ZDHHC24: variants seen among roughly 807,000 people sequenced by gnomAD.
The protein encoded by ZDHHC24 is zDHHC palmitoyltransferase 24.
A neutral mutation model predicts 23.2 loss-of-function variants in ZDHHC24; 17 were observed. The ratio of observed to expected loss-of-function variants is 0.73; its 90% confidence interval spans 0.50 to 1.10. The LOEUF (loss-of-function observed/expected upper bound fraction) is 1.10, where lower values mean the gene tolerates loss of function less well. Among genes scored for constraint, ZDHHC24 ranks in the 50% least tolerant of loss-of-function variants. ZDHHC24 has a pLI of 0.00. For synonymous variants in ZDHHC24, 186 were observed against 194.5 expected (o/e 0.96, Z 0.36); for missense variants, 366 against 393.0 (o/e 0.93, Z 0.58).
At chr11:66,532,385 C>T (rs1856824086), downstream of ZDHHC24, 3 of 300,504 alleles carry the variant, frequency 1.0e-5, no homozygotes, top group South Asian at 1.5e-4. Flanking sequence ...TCTCCACTGC[C>T]ACGTCCCTCA....
At chr11:66,532,029 G>A, downstream of ZDHHC24, 2 of 1,604,414 alleles carry the variant, frequency 1.2e-6, no homozygotes, top group Admixed American at 1.7e-5. Context: ...GGGGCTGGCG[G>A]CCGCCTGAGA....
At position 66,543,902 on chromosome 11, in the gene ZDHHC24, C is replaced by A. The variant is rs1194924822; in HGVS notation, c.361G>T (p.Asp121Tyr). 5.6e-6 allele frequency: 9 copies of A among 1,613,978 alleles called. No individual in the cohort carries two copies. Among genetic ancestry groups the A allele is most frequent in the Non-Finnish European group, 7.6e-6 (9 of 1,179,948 alleles). ...CGGCCCAGCAGGCGGCAGTGGTGGT[C>A]CCGACGCAGGATGCAGACGCGGCAG... is the stretch of plus-strand genomic sequence containing the variant. ...SACRVCILRR[D>Y]HHCRLLGRCV... Residue 121 changes from aspartate (D) to tyrosine (Y), a missense_variant, in exon 2 of 3, where the codon GAC becomes TAC. By Grantham distance (160) the Asp-to-Tyr change is radical. Coordinates refer to ENST00000310442, the MANE Select transcript of ZDHHC24 (RefSeq NM_207340.3).
chr11:66,523,656 C>CT, intron 4 of ZDHHC24: 1 of 1,610,976 alleles, frequency 6.2e-7, no homozygotes. Context: ...CTGGCTTCCC[C>CT]ACCCCAGAAA....
chr11:66,540,953 G>A (rs904145686), intron 2 of ZDHHC24, among the ~76,000 whole-genome samples: 13 of 152,168 alleles, frequency 8.5e-5, no homozygotes, highest in Admixed American at 6.5e-5. Flanking sequence ...AAGATTAGTG[G>A]TTGCCAGGGG....
Position 66,543,813 on chromosome 11 carries a change from C to A in ZDHHC24, c.450G>T (p.Leu150=). Residue 150 remains leucine (L), a synonymous_variant, in exon 2 of 3, where the codon CTG becomes CTT. Coordinates refer to ENST00000310442, the MANE Select transcript of ZDHHC24 (RefSeq NM_207340.3). ...GGCCCAGCAGCACAGAGACGTGGAG[C>A]AGGACGCCGGCGGCATGAAGCAGCA... is the stretch of plus-strand genomic sequence containing the variant. ...LCLLLHAAGV[L]LHVSVLLGPA... The A allele has an allele frequency of 6.2e-7, 1 of 1,613,478 alleles. No homozygotes were observed. Among genetic ancestry groups the A allele is most frequent in the Non-Finnish European group, 8.5e-7 (1 of 1,179,668 alleles).
chr11:66,542,611 T>C (rs1261013043), intron 2 of ZDHHC24: 1 of 152,106 alleles, frequency 6.6e-6, no homozygotes, highest in Non-Finnish European at 1.5e-5. Context: ...GGTGTGGACA[T>C]GGGAGGAGGG....
rs1316228806 is a variant in ZDHHC24 at position 66,545,734 on chromosome 11, G to A, written c.270C>T (p.Gly90=). The change falls in exon 1 of 3, where the codon GGC becomes GGT. Residue 90 remains glycine, a synonymous_variant. Coordinates refer to ENST00000310442, the MANE Select transcript of ZDHHC24 (RefSeq NM_207340.3). The surrounding 1 kb of genome is among the most constrained non-coding windows in gnomAD (Gnocchi z 4.5). ...CGCACCCCACTCACGCCCAGCCCTG[G>A]CCCAGACCGCGGCCGGCCAGCATCA... is the stretch of plus-strand genomic sequence containing the variant. The part of the protein sequence containing the change: ...RGVMLAGRGL[G]QGWAYCYQCQ... The A allele has an allele frequency of 6.4e-7, 1 of 1,574,080 alleles. No individual in the cohort carries two copies. Among genetic ancestry groups the A allele is most frequent in the African/African-American group, 1.4e-5 (1 of 72,564 alleles).
intron 4 of ZDHHC24, chr11:66,523,912 ACTC>A (rs1473458126): frequency 2.5e-6 from 4 of 1,610,372 alleles, no homozygotes; most frequent in Non-Finnish European, 2.5e-6. Flanking sequence ...TCTGCCACTC[ACTC>A]CTCCTTGCCC....
rs545603022 is a variant in ZDHHC24 at position 66,536,609 on chromosome 11, T to C, written c.*2920A>G. On this transcript the variant is annotated 3_prime_UTR_variant, in exon 3 of 3. Coordinates refer to ENST00000310442, the MANE Select transcript of ZDHHC24 (RefSeq NM_207340.3). ...ATTGTGGGCTGGGCGCAGTGGCTCATACCTGTAATCCCGGCACTTTGGGAG... is the reference window on the plus strand; with the variant it reads ...ATTGTGGGCTGGGCGCAGTGGCTCACACCTGTAATCCCGGCACTTTGGGAG... The C allele has an allele frequency of 1.2e-4, 17 of 147,028 alleles. No individual in the cohort carries two copies. The South Asian group carries it at 2.6e-3, about 23-fold the overall frequency. 9.1% of individuals were successfully genotyped at this position (147,028 alleles called of 1,614,324 possible). A position where few individuals can be genotyped will look rare whatever the true frequency, so the allele number is the denominator to read the frequency against.
At chr11:66,531,507 C>G, downstream of ZDHHC24, 1 of 1,038,002 alleles carries the variant, frequency 9.6e-7, no homozygotes, top group South Asian at 1.3e-5. Flanking sequence ...ACTTCCCCAC[C>G]ACACCTGCAT....
At chr11:66,533,775 C>T (rs1856871669), downstream of ZDHHC24, 2 of 152,286 alleles carry the variant, frequency 1.3e-5, 1 homozygote, top group East Asian at 3.8e-4. Flanking sequence ...GCCTTTGCCT[C>T]TCTCCTGGGC....
exon 5 of ZDHHC24, chr11:66,521,200 G>A: frequency 8.9e-7 from 1 of 1,127,666 alleles, no homozygotes; most frequent in Admixed American, 1.7e-5. Flanking sequence ...TCACTCAGAG[G>A]AGTTACTGAC....
chr11:66,535,372 C>CT (rs759509135), downstream of ZDHHC24, among the ~76,000 whole-genome samples: 353 of 134,550 alleles, frequency 2.6e-3, 1 homozygote, highest in South Asian at 0.01. Context: ...CCACACAAGG[C>CT]TTTTTTTTTT....
At position 66,543,753 on chromosome 11, in the gene ZDHHC24, G is replaced by T; in HGVS notation, c.510C>A (p.Pro170=). Residue 170 remains proline, a synonymous_variant, in exon 2 of 3, where the codon CCC becomes CCA. Coordinates refer to ENST00000310442, the MANE Select transcript of ZDHHC24 (RefSeq NM_207340.3). ...GCAGGAGGAGGGCAGCCATGTGGAG[G>T]GGCGTGTGGGCTCGCAGCAGGGCCG... is the stretch of plus-strand genomic sequence containing the variant. ...ALSALLRAHT[P]LHMAALLLLP... 6.2e-7 allele frequency: 1 copy of T among 1,605,838 alleles called. No homozygotes were observed. The highest frequency in any genetic ancestry group is 8.5e-7 in the Non-Finnish European group (1 of 1,176,296).
rs569736238 is a variant in ZDHHC24 at position 66,539,911 on chromosome 11, T to C, written c.560-87A>G. The C allele has an allele frequency of 1.2e-5, 16 of 1,308,662 alleles. No homozygotes were observed. In the African/African-American group the frequency reaches 2.2e-4, roughly 18 times the overall value. The allele number at this position is 1,308,662 out of a possible 1,614,324, so 81.1% of individuals were successfully genotyped here. ...GCTCCCCTCCACCACAAAGCAGGGC[T>C]CATTCCTCCGCTCAGCAAACCCTGT... On this transcript the variant is annotated intron_variant, in intron 2 of 2. Transcript: ENST00000310442.
At chr11:66,533,907 G>A (rs959872424), downstream of ZDHHC24, among the ~76,000 whole-genome samples, 2 of 152,210 alleles carry the variant, frequency 1.3e-5, no homozygotes, top group South Asian at 2.1e-4. Context: ...TGTGGCTCAC[G>A]CCTGTAATCC....
downstream of ZDHHC24, chr11:66,532,167 G>A (rs1352229454): frequency 5.1e-6 from 5 of 975,180 alleles, no homozygotes; most frequent in African/African-American, 1.6e-5. Context: ...TTAAGCACCC[G>A]CTTCCTCACC....
rs11828256 is a variant in ZDHHC24, at chr11:66,527,247, A to G, written c.737-241T>C. On this transcript the variant is annotated intron_variant, in intron 3 of 4. Transcript: ENST00000526986. Reference sequence around the variant, plus strand: ...AGAGAGAGAGAAAGAGAAAAGTAGAATTTGACCAGTGTCATCTTGTCCAGT... The same window carrying G: ...AGAGAGAGAGAAAGAGAAAAGTAGAGTTTGACCAGTGTCATCTTGTCCAGT... Among the ~76,000 whole-genome samples the G allele has an allele frequency of 7.6e-3, 1,158 of 152,106 alleles. 18 individuals carry two copies. Among genetic ancestry groups the G allele is most frequent in the African/African-American group, 0.026 (1,089 of 41,516 alleles).
intron 3 of ZDHHC24, chr11:66,527,145 G>A (rs1298519200): frequency 3.6e-6 from 3 of 822,294 alleles, no homozygotes; most frequent in Non-Finnish European, 5.9e-6. Context: ...GGCAGAGGTG[G>A]GAGGACAGCA....
Sources: allele counts gnomAD v4.1 joint callset (sites outside exome capture counted in the v4.1 genomes callset), GRCh38; gene constraint gnomAD v4.1.1; non-coding constraint Gnocchi (gnomAD v3.1); transcripts MANE v1.5; gene names NCBI Gene and HGNC (gene_info 2026-07-23, HGNC 2026-07-21).